FUT8: variants seen among roughly 807,000 people sequenced by gnomAD.
The protein encoded by FUT8 is alpha-(1,6)-fucosyltransferase.
A neutral mutation model predicts 71.3 loss-of-function variants in FUT8; 29 were observed. The observed-to-expected ratio is 0.41, with a 90% CI of 0.30 to 0.55. The LOEUF (loss-of-function observed/expected upper bound fraction) is 0.55. Among genes scored for constraint, FUT8 ranks in the 20% least tolerant of loss-of-function variants. FUT8 has a pLI of 0.34. For missense variants in FUT8, 544 were observed against 702.1 expected (o/e 0.77, Z 2.55); for synonymous variants, 254 against 239.3 (o/e 1.06, Z -0.57).
rs530773319 is a variant in FUT8, at chr14:65,599,389, T to C, written c.204-16589T>C. Among the ~76,000 whole-genome samples the C allele has an allele frequency of 2.6e-5, 4 of 152,334 alleles. No homozygotes were observed. In the South Asian group the frequency reaches 8.3e-4, roughly 32 times the overall value. Reference sequence around the variant, plus strand: ...TTTATTGTAAAGCATTTCTTAAAAATTGAAGAAGTGCTTGAAAGGAGGCAA... The same window carrying C: ...TTTATTGTAAAGCATTTCTTAAAAACTGAAGAAGTGCTTGAAAGGAGGCAA... On this transcript the variant is annotated intron_variant, in intron 3 of 10. Transcript: ENST00000673929.
At chr14:65,533,204 T>C (rs2139922032) in intron 2 of FUT8, among the ~76,000 whole-genome samples, 1 of 152,334 alleles carries the variant, frequency 6.6e-6, no homozygotes. Context: ...GTTCGTAGTT[T>C]GATAGGAATA....
At chr14:65,543,640 G>A (rs116182715) in intron 2 of FUT8, among the ~76,000 whole-genome samples, 1,569 of 152,166 alleles carry the variant, frequency 0.01, 22 homozygotes, top group African/African-American at 0.036. Flanking sequence ...TTGTTTTGGA[G>A]CCTACCCTCA....
rs1037954079 is a variant in FUT8 at position 65,627,002 on chromosome 14, T to C, written c.483-2490T>C. Among the ~76,000 whole-genome samples, 3 of 152,232 alleles carry C rather than the reference T, an allele frequency of 2.0e-5. No individual in the cohort carries two copies. The highest frequency in any genetic ancestry group is 4.4e-5 in the Non-Finnish European group (3 of 68,048). ...TAAAAGATAAAAATTATCACCGTTATCTCATTATATAAACTCTTGAAGGTT... is the reference window on the plus strand; with the variant it reads ...TAAAAGATAAAAATTATCACCGTTACCTCATTATATAAACTCTTGAAGGTT... On this transcript the variant is annotated intron_variant, in intron 5 of 10. Coordinates refer to ENST00000673929, the MANE Select transcript of FUT8 (RefSeq NM_001371533.1). This position sits in a 1 kb window ranked among gnomAD's most constrained non-coding sequence, Gnocchi z 4.0.
At chr14:65,508,683 G>A (rs1411083802) in intron 2 of FUT8, among the ~76,000 whole-genome samples, 5 of 151,396 alleles carry the variant, frequency 3.3e-5, no homozygotes, top group Non-Finnish European at 5.9e-5. Context: ...TGTATTTTTA[G>A]TAGAGACGGA....
intron 6 of FUT8, among the ~76,000 whole-genome samples, chr14:65,644,325 C>G (rs901758092): frequency 1.3e-5 from 2 of 152,062 alleles, no homozygotes; most frequent in African/African-American, 2.4e-5. Flanking sequence ...GAGTCTCACT[C>G]TGTCACCCAG....
intron 2 of FUT8, among the ~76,000 whole-genome samples, chr14:65,533,547 C>T (rs1884094617): frequency 6.6e-6 from 1 of 152,068 alleles, no homozygotes; most frequent in South Asian, 2.1e-4. Context: ...GCTTATGGTG[C>T]TTTTGGGCTG....
At chr14:65,395,685 T>A in the FUT8 span, among the ~76,000 whole-genome samples, 3 of 152,358 alleles carry the variant, frequency 2.0e-5, no homozygotes, top group African/African-American at 7.2e-5. Flanking sequence ...CCTAGGCCTC[T>A]GGGCCTGTGA....
chr14:65,435,952 A>G (rs1249865611), intron 1 of FUT8, among the ~76,000 whole-genome samples: 6 of 144,204 alleles, frequency 4.2e-5, no homozygotes, highest in African/African-American at 1.5e-4. Context: ...TTTAAAAGAC[A>G]GAGTCTTGCC....
the FUT8 span, among the ~76,000 whole-genome samples, chr14:65,357,293 G>T: frequency 6.6e-6 from 1 of 152,198 alleles, no homozygotes; most frequent in Non-Finnish European, 1.5e-5. Flanking sequence ...GCCAGGTGTG[G>T]ACCACAGAGC....
chr14:65,456,406 C>T lies in FUT8; in HGVS notation c.-228+688C>T, dbSNP rs563042016. 9.2e-5 allele frequency among the ~76,000 whole-genome samples: 14 copies of T among 152,264 alleles called. 1 individual carries two copies. In the South Asian group the frequency reaches 2.9e-3, roughly 32 times the overall value. On this transcript the variant is annotated intron_variant, in intron 2 of 10. Transcript: ENST00000673929. ...GGTTTATTCATGTTGCTGTGTGCATCAGTAGTTGTGTATCAGTAGTTTGTC... is the reference window on the plus strand; with the variant it reads ...GGTTTATTCATGTTGCTGTGTGCATTAGTAGTTGTGTATCAGTAGTTTGTC...
upstream of FUT8, among the ~76,000 whole-genome samples, chr14:65,407,073 A>G (rs1022981168): frequency 3.3e-5 from 5 of 152,196 alleles, no homozygotes; most frequent in African/African-American, 1.2e-4. Flanking sequence ...GGGCATGTTC[A>G]GGTTAGGTGA....
intron 3 of FUT8, among the ~76,000 whole-genome samples, chr14:65,596,643 T>C (rs1460548093): frequency 6.6e-6 from 1 of 152,194 alleles, no homozygotes; most frequent in African/African-American, 2.4e-5. Context: ...CCAATACCTT[T>C]AGGGTAGCAT....
chr14:65,729,594 T>C (rs1895867040), intron 9 of FUT8, among the ~76,000 whole-genome samples: 1 of 150,350 alleles, frequency 6.7e-6, no homozygotes, highest in Non-Finnish European at 1.5e-5. Flanking sequence ...CAGCTCACGG[T>C]AGCCTCGACC....
intron 1 of FUT8, among the ~76,000 whole-genome samples, chr14:65,422,984 CT>C (rs34536679): frequency 0.13 from 16,274 of 127,274 alleles, 1,042 homozygotes; most frequent in East Asian, 0.34. Context: ...TTCTTTCTTT[CT>C]TTTTTTTTTT....
At chr14:65,361,185 G>A in the FUT8 span, among the ~76,000 whole-genome samples, 53,188 of 151,464 alleles carry the variant, frequency 0.35, 11,636 homozygotes, top group Non-Finnish European at 0.49. Flanking sequence ...GTGAAACCCC[G>A]TCTCTACTAA....
At chr14:65,604,295 T>C (rs1056903828) in intron 3 of FUT8, among the ~76,000 whole-genome samples, 1 of 151,738 alleles carries the variant, frequency 6.6e-6, no homozygotes, top group Non-Finnish European at 1.5e-5. Context: ...AACCACAGAG[T>C]ATACATTCTA....
At chr14:65,648,519 C>A (rs929401794) in intron 6 of FUT8, among the ~76,000 whole-genome samples, 1 of 152,052 alleles carries the variant, frequency 6.6e-6, no homozygotes, top group African/African-American at 2.4e-5. Flanking sequence ...AGGAATATAC[C>A]CCTTGCTATC....
At chr14:65,707,164 C>T (rs1050099089) in intron 7 of FUT8, among the ~76,000 whole-genome samples, 2 of 152,130 alleles carry the variant, frequency 1.3e-5, no homozygotes, top group Non-Finnish European at 1.5e-5. Flanking sequence ...ACATCCTCGC[C>T]ACCACTTATT....
At chr14:65,560,446 G>T (rs538105466) in intron 2 of FUT8, among the ~76,000 whole-genome samples, 3 of 152,092 alleles carry the variant, frequency 2.0e-5, no homozygotes, top group Non-Finnish European at 4.4e-5. Context: ...CTTCTAAAGT[G>T]CAGGGATTAC....
Sources: gnomAD v4.1 joint callset for allele counts (sites outside exome capture counted in the v4.1 genomes callset) on GRCh38, gnomAD v4.1.1 for gene constraint, Gnocchi (gnomAD v3.1) non-coding constraint, MANE v1.5 for transcripts, NCBI Gene and HGNC (gene_info 2026-07-23, HGNC 2026-07-21) for gene names.